NRG3: variants seen among roughly 807,000 people sequenced by gnomAD.
NRG3 encodes the protein neuregulin 3.
NRG3 carries 31 observed loss-of-function variants against 66.9 expected under a neutral mutation model. The observed-to-expected ratio is 0.46, with a 90% confidence interval of 0.35 to 0.63. NRG3 has a LOEUF of 0.63. Ranked by LOEUF, NRG3 falls within the 20% of genes least tolerant of loss-of-function variation. The probability of loss-of-function intolerance (pLI) is 0.00; values close to 1 mark genes in which losing one functional copy is unlikely to be tolerated. For missense variants in NRG3, 910 were observed against 878.9 expected, an observed-to-expected ratio of 1.04 and a Z score of -0.45; for synonymous variants, 393 against 359.4, an observed-to-expected ratio of 1.09 and a Z score of -1.06.
intron 1 of NRG3, among the ~76,000 whole-genome samples, chr10:82,354,518 G>C (rs1412154936): frequency 1.3e-5 from 2 of 151,664 alleles, no homozygotes; most frequent in Admixed American, 1.3e-4. Flanking sequence ...AGCCTTCCAA[G>C]TAACTGTGAA....
intron 1 of NRG3, among the ~76,000 whole-genome samples, chr10:81,982,456 G>A (rs1202798299): frequency 1.3e-5 from 2 of 152,126 alleles, no homozygotes; most frequent in South Asian, 2.1e-4. Flanking sequence ...CACATTTTTA[G>A]GTGTTCAGTT....
intron 1 of NRG3, among the ~76,000 whole-genome samples, chr10:82,062,696 GAGGCT>G (rs1291322606): frequency 6.6e-6 from 1 of 152,054 alleles, no homozygotes; most frequent in Non-Finnish European, 1.5e-5. Flanking sequence ...ATGAGATGGA[GAGGCT>G]ATGCTGTCTT....
At chr10:82,937,632 A>T (rs1234085167) in intron 4 of NRG3, among the ~76,000 whole-genome samples, 2 of 152,212 alleles carry the variant, frequency 1.3e-5, no homozygotes, top group Non-Finnish European at 2.9e-5. Context: ...GAAGCAGGGA[A>T]TTTATGGGAG....
Position 82,542,736 on chromosome 10 carries a change from C to A in NRG3, c.953+183868C>A, listed in dbSNP as rs149569416. 3.0e-4 allele frequency among the ~76,000 whole-genome samples: 46 copies of A among 152,278 alleles called. No individual in the cohort carries two copies. In the East Asian group the frequency reaches 7.7e-3, roughly 26 times the overall value. On this transcript the variant is annotated intron_variant, in intron 2 of 8. Coordinates refer to ENST00000372141, the MANE Select transcript of NRG3 (RefSeq NM_001010848.4). ...AAAGGCATAAAAGCTGAATATAATC[C>A]TGTGAACACATTAGACAAACCCAAA...
intron 1 of NRG3, among the ~76,000 whole-genome samples, chr10:82,164,525 T>TAC (rs149935280): frequency 6.6e-6 from 1 of 152,090 alleles, no homozygotes; most frequent in South Asian, 2.1e-4. Context: ...CACTGCCCTT[T>TAC]ACACACACAC....
At chr10:82,362,329 ATATATG>A (rs1433707172) in intron 2 of NRG3, among the ~76,000 whole-genome samples, 1 of 132,264 alleles carries the variant, frequency 7.6e-6, no homozygotes, top group Non-Finnish European at 1.5e-5. Context: ...ATGTGTATAT[ATATATG>A]TGTGTGTGTG....
At chr10:82,047,769 A>G (rs1402028154) in intron 1 of NRG3, among the ~76,000 whole-genome samples, 2 of 151,954 alleles carry the variant, frequency 1.3e-5, no homozygotes, top group Non-Finnish European at 2.9e-5. Context: ...TTAAATGTAA[A>G]TGGACTAAAT....
At chr10:82,171,030 G>A (rs1342492751) in intron 1 of NRG3, among the ~76,000 whole-genome samples, 1 of 151,700 alleles carries the variant, frequency 6.6e-6, no homozygotes, top group Non-Finnish European at 1.5e-5. Flanking sequence ...TATTGATTAT[G>A]ATAATAGATA....
At chr10:82,683,846 C>G (rs1477881883) in intron 2 of NRG3, among the ~76,000 whole-genome samples, 1 of 152,134 alleles carries the variant, frequency 6.6e-6, no homozygotes, top group South Asian at 2.1e-4. Context: ...TAGAAAACAA[C>G]TTTCTTACTT....
chr10:82,204,254 A>G (rs2075001195), intron 1 of NRG3, among the ~76,000 whole-genome samples: 1 of 152,196 alleles, frequency 6.6e-6, no homozygotes, highest in Non-Finnish European at 1.5e-5. Flanking sequence ...AAATAGTCCT[A>G]AAATACCACT....
chr10:82,555,620 C>T (rs1230238282), intron 2 of NRG3, among the ~76,000 whole-genome samples: 1 of 152,168 alleles, frequency 6.6e-6, no homozygotes, highest in African/African-American at 2.4e-5. Context: ...TCCTCAATGT[C>T]TGTCTTCTCA....
intron 1 of NRG3, among the ~76,000 whole-genome samples, chr10:81,969,473 CAG>C (rs141058138): frequency 3.7e-4 from 55 of 149,688 alleles, no homozygotes; most frequent in Non-Finnish European, 4.0e-4. Context: ...GCAGGGGGAG[CAG>C]AGAGAGAGAG....
chr10:82,004,540 C>T (rs950705253), intron 1 of NRG3, among the ~76,000 whole-genome samples: 1 of 152,120 alleles, frequency 6.6e-6, no homozygotes. Context: ...CAGGTATGTG[C>T]GGCAGTGCTG....
intron 1 of NRG3, among the ~76,000 whole-genome samples, chr10:82,068,352 T>G (rs1333015293): frequency 1.3e-5 from 2 of 152,218 alleles, no homozygotes; most frequent in Non-Finnish European, 2.9e-5. Context: ...AGGTTATAAA[T>G]GTTTACTTTT....
At chr10:82,637,017 T>C (rs962635788) in intron 2 of NRG3, among the ~76,000 whole-genome samples, 2 of 152,134 alleles carry the variant, frequency 1.3e-5, no homozygotes, top group Admixed American at 1.3e-4. Context: ...TAGTTAATTA[T>C]AGTGTATTGT....
intron 1 of NRG3, among the ~76,000 whole-genome samples, chr10:82,047,519 G>A (rs1297308314): frequency 2.0e-5 from 3 of 151,786 alleles, no homozygotes; most frequent in Non-Finnish European, 4.4e-5. Context: ...AAGCGAAGGA[G>A]AAATAAAATA....
chr10:82,503,230 A>G (rs1844365333), intron 2 of NRG3, among the ~76,000 whole-genome samples: 1 of 152,202 alleles, frequency 6.6e-6, no homozygotes, highest in Non-Finnish European at 1.5e-5. Flanking sequence ...CCATAGAAAT[A>G]AGCTTATGAA....
chr10:82,039,178 C>T (rs539322740), intron 1 of NRG3, among the ~76,000 whole-genome samples: 3 of 152,208 alleles, frequency 2.0e-5, no homozygotes, highest in Admixed American at 6.6e-5. Context: ...AGTTCCAATG[C>T]GAAGCAGCCT....
chr10:82,341,042 T>G (rs2082660548), intron 1 of NRG3, among the ~76,000 whole-genome samples: 1 of 152,176 alleles, frequency 6.6e-6, no homozygotes. Flanking sequence ...ATACCCCATT[T>G]TCCATGTTGT....
Sources: allele counts gnomAD v4.1 joint callset (sites outside exome capture counted in the v4.1 genomes callset), GRCh38; gene constraint gnomAD v4.1.1; transcripts MANE v1.5; gene names NCBI Gene and HGNC (gene_info 2026-07-23, HGNC 2026-07-21).